The following FIRRM variants were observed in gnomAD, a reference collection of about 807,000 sequenced individuals.
The protein encoded by FIRRM is FIGNL1-interacting regulator of recombination and mitosis.
the FIRRM span, among the ~76,000 whole-genome samples, chr1:169,840,323 A>G: frequency 6.6e-6 from 1 of 152,210 alleles, no homozygotes; most frequent in Non-Finnish European, 1.5e-5. Flanking sequence ...CAGTATGGCC[A>G]TTTTAATGAT....
At chr1:169,844,205 G>A in the FIRRM span, among the ~76,000 whole-genome samples, 1,007 of 152,348 alleles carry the variant, frequency 6.6e-3, 10 homozygotes, top group African/African-American at 0.023. Flanking sequence ...GAAGAGCACT[G>A]CTGAATTTCC....
chr1:169,832,477 C>G, the FIRRM span: 1 of 1,613,744 alleles, frequency 6.2e-7, no homozygotes, highest in African/African-American at 1.3e-5. Context: ...GTTGAAGCGT[C>G]TCTTTTTCTT....
the FIRRM span, chr1:169,853,032 A>ATCC: frequency 6.3e-7 from 1 of 1,577,964 alleles, no homozygotes; most frequent in Non-Finnish European, 8.7e-7. Flanking sequence ...TGTCAACTGA[A>ATCC]AATACTTATG....
At chr1:169,785,072 A>G in the FIRRM span, among the ~76,000 whole-genome samples, 1 of 152,216 alleles carries the variant, frequency 6.6e-6, no homozygotes, top group East Asian at 1.9e-4. Context: ...TCCTATTACA[A>G]AAATGCCCCA....
the FIRRM span, chr1:169,793,762 C>G: frequency 4.2e-6 from 6 of 1,422,190 alleles, no homozygotes; most frequent in African/African-American, 8.6e-5. Flanking sequence ...TTTGATGATA[C>G]ACACAAATCT....
the FIRRM span, chr1:169,850,396 TCCGAAA>T: frequency 1.6e-6 from 2 of 1,289,076 alleles, no homozygotes; most frequent in Non-Finnish European, 2.2e-6. Context: ...TTTTTTTTTT[TCCGAAA>T]TTATGTAACT....
At chr1:169,795,087 C>T in the FIRRM span, 73 of 1,532,188 alleles carry the variant, frequency 4.8e-5, no homozygotes, top group Admixed American at 7.9e-5. Flanking sequence ...TTGAAGCTCT[C>T]CTGTTTGACG....
chr1:169,833,725 C>A, the FIRRM span, among the ~76,000 whole-genome samples: 1 of 152,030 alleles, frequency 6.6e-6, no homozygotes, highest in Non-Finnish European at 1.5e-5. Context: ...ACCTATTAGC[C>A]CTCTAAGAGC....
chr1:169,821,560 T>C, the FIRRM span: 2 of 590,418 alleles, frequency 3.4e-6, no homozygotes, highest in African/African-American at 3.9e-5. Flanking sequence ...TTTTATACTG[T>C]GTTTAAGAGG....
the FIRRM span, among the ~76,000 whole-genome samples, chr1:169,794,168 A>G: frequency 7.0e-6 from 1 of 142,344 alleles, no homozygotes; most frequent in African/African-American, 2.5e-5. Flanking sequence ...GGACAAACAT[A>G]AAGTCCAAGA....
At chr1:169,805,793 A>C in the FIRRM span, among the ~76,000 whole-genome samples, 2 of 152,250 alleles carry the variant, frequency 1.3e-5, no homozygotes, top group African/African-American at 2.4e-5. Context: ...TATAAACTTC[A>C]GAAGTTAATA....
the FIRRM span, among the ~76,000 whole-genome samples, chr1:169,815,374 T>C: frequency 6.6e-6 from 1 of 152,058 alleles, no homozygotes; most frequent in Non-Finnish European, 1.5e-5. Flanking sequence ...TTGGCCACTT[T>C]TATGGCCATT....
At chr1:169,832,372 T>G in the FIRRM span, 1 of 1,351,918 alleles carries the variant, frequency 7.4e-7, no homozygotes, top group African/African-American at 1.4e-5. Context: ...AAATTCTGAT[T>G]CTAAATTAGT....
At chr1:169,850,216 CA>C in the FIRRM span, 9 of 1,253,030 alleles carry the variant, frequency 7.2e-6, no homozygotes, top group Non-Finnish European at 1.0e-5. Context: ...TTTGTCTTTG[CA>C]AGTTGTTGAA....
At chr1:169,852,224 G>C in the FIRRM span, 1 of 384,832 alleles carries the variant, frequency 2.6e-6, no homozygotes, top group Non-Finnish European at 4.7e-6. Flanking sequence ...CTGAACCACA[G>C]AAGAAAATGA....
the FIRRM span, chr1:169,830,838 G>A: frequency 2.3e-3 from 2,638 of 1,128,048 alleles, 47 homozygotes; most frequent in African/African-American, 0.036. Context: ...ATCGGCGGGA[G>A]AAATATCACA....
At chr1:169,813,560 G>A in the FIRRM span, among the ~76,000 whole-genome samples, 1 of 152,210 alleles carries the variant, frequency 6.6e-6, no homozygotes, top group Non-Finnish European at 1.5e-5. Context: ...AATAATGATA[G>A]GATTGTGTTA....
At chr1:169,805,970 G>A in the FIRRM span, 1 of 1,303,168 alleles carries the variant, frequency 7.7e-7, no homozygotes, top group Admixed American at 1.8e-5. Flanking sequence ...ATGACATTTG[G>A]ATGTCTTAAA....
the FIRRM span, among the ~76,000 whole-genome samples, chr1:169,837,541 AC>A: frequency 1.3e-5 from 2 of 152,236 alleles, no homozygotes; most frequent in Non-Finnish European, 2.9e-5. Context: ...AGACTTATCT[AC>A]TAGAAGAAGT....
Sources: gnomAD v4.1 joint callset for allele counts (sites outside exome capture counted in the v4.1 genomes callset) on GRCh38, gnomAD v4.1.1 for gene constraint, MANE v1.5 for transcripts, NCBI Gene and HGNC (gene_info 2026-07-23, HGNC 2026-07-21) for gene names.